The following SCAI variants were observed in gnomAD, a reference collection of about 807,000 sequenced individuals.
The protein encoded by SCAI is protein SCAI.
In SCAI, 24 loss-of-function variants were observed where a neutral mutation model predicts 92.2. The observed-to-expected ratio is 0.26, with a 90% CI of 0.19 to 0.37. The LOEUF is 0.37. Ranked by LOEUF, SCAI falls within the 10% of genes least tolerant of loss-of-function variation. SCAI has a pLI of 1.00. For missense variants in SCAI, 450 were observed against 736.2 expected, an observed-to-expected ratio of 0.61 and a Z score of 4.50; for synonymous variants, 261 against 258.6, an observed-to-expected ratio of 1.01 and a Z score of -0.09.
intron 2 of SCAI, among the ~76,000 whole-genome samples, chr9:125,066,579 AT>A (rs1211772926): frequency 6.6e-6 from 1 of 151,572 alleles, no homozygotes; most frequent in Non-Finnish European, 1.5e-5. Flanking sequence ...CCTCAGCCTC[AT>A]GAGTAGCTGG....
At chr9:124,970,677 C>A (rs1245213422) in intron 17 of SCAI, among the ~76,000 whole-genome samples, 1 of 151,748 alleles carries the variant, frequency 6.6e-6, no homozygotes, top group Admixed American at 6.6e-5. Context: ...GAGCTGAGAT[C>A]GAGTCATTGC....
At chr9:125,118,441 C>T (rs1238405864) in intron 2 of SCAI, among the ~76,000 whole-genome samples, 2 of 152,024 alleles carry the variant, frequency 1.3e-5, no homozygotes, top group Non-Finnish European at 2.9e-5. Flanking sequence ...CTCTTGACCC[C>T]AAGAGTTTAG....
chr9:125,072,302 G>A (rs897631120), intron 2 of SCAI, among the ~76,000 whole-genome samples: 5 of 152,130 alleles, frequency 3.3e-5, no homozygotes, highest in Admixed American at 2.0e-4. Flanking sequence ...GATTACAGGC[G>A]TAAGATAGTA....
Position 125,107,452 on chromosome 9 carries a change from T to C in SCAI, c.98+35181A>G, listed in dbSNP as rs543005018. On this transcript the variant is annotated intron_variant, in intron 2 of 17. Transcript: ENST00000336505. ...AAGAAAAGAAAAAGAAATACAACCA[T>C]ATAAATGGAACCTCCAAGGTTTAAG... Among the ~76,000 whole-genome samples the C allele has an allele frequency of 2.0e-5, 3 of 149,270 alleles. No individual in the cohort carries two copies. In the South Asian group the frequency reaches 6.4e-4, roughly 32 times the overall value.
At chr9:125,089,210 G>A (rs1164418025) in intron 2 of SCAI, among the ~76,000 whole-genome samples, 1 of 152,122 alleles carries the variant, frequency 6.6e-6, no homozygotes, top group Non-Finnish European at 1.5e-5. Context: ...ACTACCTCAA[G>A]TAGATAAACC....
At position 124,986,109 on chromosome 9, in the gene SCAI, G is replaced by A. The variant is rs538733907; in HGVS notation, c.1326+8825C>T. 1.7e-3 allele frequency among the ~76,000 whole-genome samples: 261 copies of A among 152,178 alleles called. 1 individual carries two copies. The highest frequency in any genetic ancestry group is 6.1e-3 in the African/African-American group (254 of 41,516). On this transcript the variant is annotated intron_variant, in intron 14 of 17. Transcript: ENST00000336505. The stretch of plus-strand genomic sequence containing the variant: ...GATAGAGACCATCCTGGCTAACATG[G>A]TGAAACCCCATCTCTACTAAAAATA...
At chr9:125,015,135 G>C (rs1832727672) in intron 9 of SCAI, among the ~76,000 whole-genome samples, 1 of 152,170 alleles carries the variant, frequency 6.6e-6, no homozygotes, top group Non-Finnish European at 1.5e-5. Flanking sequence ...AGGACTTCAT[G>C]TCTAAAACAC....
At chr9:125,062,402 AG>A (rs1231032008) in intron 2 of SCAI, among the ~76,000 whole-genome samples, 2 of 151,096 alleles carry the variant, frequency 1.3e-5, no homozygotes, top group African/African-American at 4.9e-5. Context: ...CTAGATTTAC[AG>A]GCATGGGCCA....
At chr9:125,082,962 G>C (rs1359156374) in intron 2 of SCAI, among the ~76,000 whole-genome samples, 1 of 152,164 alleles carries the variant, frequency 6.6e-6, no homozygotes, top group Non-Finnish European at 1.5e-5. Context: ...GGGGACTGTT[G>C]GGAAGGCATG....
chr9:124,976,069 G>A, intron 15 of SCAI, 45 bp downstream of exon 15: 1 of 1,217,206 alleles, frequency 8.2e-7, no homozygotes, highest in Non-Finnish European at 1.2e-6. Context: ...TATAGATAGT[G>A]TTTATTTGCA....
At chr9:124,988,555 T>C (rs117255134) in intron 14 of SCAI, among the ~76,000 whole-genome samples, 1 of 152,120 alleles carries the variant, frequency 6.6e-6, no homozygotes, top group South Asian at 2.1e-4. Flanking sequence ...CACACATGCA[T>C]CTATTTCTAT....
At chr9:125,001,117 T>C (rs1832351824) in intron 12 of SCAI, among the ~76,000 whole-genome samples, 1 of 152,212 alleles carries the variant, frequency 6.6e-6, no homozygotes, top group African/African-American at 2.4e-5. Context: ...TTACTTTTAA[T>C]GTTGTATTAT....
chr9:125,094,970 G>C (rs953908562), intron 2 of SCAI, among the ~76,000 whole-genome samples: 1 of 152,148 alleles, frequency 6.6e-6, no homozygotes, highest in African/African-American at 2.4e-5. Context: ...TTATAAAATA[G>C]ATACATAAAA....
intron 17 of SCAI, among the ~76,000 whole-genome samples, chr9:124,965,002 GT>G (rs200998683): frequency 4.8e-4 from 70 of 144,792 alleles, no homozygotes; most frequent in South Asian, 2.4e-3. Flanking sequence ...TTTGTGGCAG[GT>G]TTTTTTTTTT....
intron 2 of SCAI, among the ~76,000 whole-genome samples, chr9:125,097,962 T>A (rs775043700): frequency 1.5e-4 from 23 of 151,696 alleles, no homozygotes; most frequent in Non-Finnish European, 3.1e-4. Context: ...AGAATATTCT[T>A]ATATGTATAT....
At chr9:125,020,099 C>A (rs574986509) in intron 7 of SCAI, among the ~76,000 whole-genome samples, 1,600 of 147,874 alleles carry the variant, frequency 0.011, 32 homozygotes, top group African/African-American at 0.037. Context: ...AAAAAAAAAA[C>A]CCCACAAAAC....
At chr9:125,031,418 C>A (rs944305117) in intron 3 of SCAI, among the ~76,000 whole-genome samples, 5 of 152,020 alleles carry the variant, frequency 3.3e-5, no homozygotes, top group African/African-American at 1.2e-4. Flanking sequence ...CCTGCCACCA[C>A]GCCCGGCTAA....
intron 2 of SCAI, among the ~76,000 whole-genome samples, chr9:125,138,249 CTTTTTT>C (rs10570060): frequency 1.9e-5 from 2 of 104,198 alleles, no homozygotes; most frequent in Admixed American, 1.1e-4. Flanking sequence ...ACTATTATTT[CTTTTTT>C]TTTTTTTTTT....
intron 2 of SCAI, among the ~76,000 whole-genome samples, chr9:125,073,197 C>T (rs1030508637): frequency 2.8e-5 from 4 of 144,288 alleles, no homozygotes; most frequent in South Asian, 4.5e-4. Flanking sequence ...CTCCGCCTCC[C>T]GGGTTCACGC....
Sources: gnomAD v4.1 joint callset for allele counts (sites outside exome capture counted in the v4.1 genomes callset) on GRCh38, gnomAD v4.1.1 for gene constraint, MANE v1.5 for transcripts, NCBI Gene and HGNC (gene_info 2026-07-23, HGNC 2026-07-21) for gene names.